Variants in SYK observed in about 807,000 individuals in gnomAD.
SYK encodes tyrosine-protein kinase SYK.
Under a neutral mutation model 77.8 loss-of-function variants are expected in SYK, and 16 were observed. The ratio of observed to expected loss-of-function variants is 0.21; its 90% CI spans 0.14 to 0.31. SYK has a LOEUF of 0.31. Among genes scored for constraint, SYK ranks in the 10% least tolerant of loss-of-function variants. SYK has a pLI of 1.00. For missense variants in SYK, 529 were observed against 814.4 expected (o/e 0.65, Z 4.26); for synonymous variants, 312 against 308.7 (o/e 1.01, Z -0.11).
intron 10 of SYK, among the ~76,000 whole-genome samples, chr9:90,878,080 A>C (rs1828013361): frequency 6.6e-6 from 1 of 152,146 alleles, no homozygotes; most frequent in Non-Finnish European, 1.5e-5. Context: ...TTGACATGGA[A>C]TCTCCTTTCT....
At chr9:90,811,287 T>G (rs1825061304) in intron 1 of SYK, among the ~76,000 whole-genome samples, 1 of 151,060 alleles carries the variant, frequency 6.6e-6, no homozygotes, top group Non-Finnish European at 1.5e-5. Context: ...ATGCAGCGAG[T>G]TTTTTCAAAT....
At chr9:90,869,962 G>A (rs1179953488) in intron 7 of SYK, among the ~76,000 whole-genome samples, 3 of 152,080 alleles carry the variant, frequency 2.0e-5, no homozygotes, top group African/African-American at 7.2e-5. Flanking sequence ...ACAAAAATTA[G>A]CCAGGCGTGG....
chr9:90,826,265 C>T (rs117957915), intron 1 of SYK, among the ~76,000 whole-genome samples: 43 of 152,338 alleles, frequency 2.8e-4, no homozygotes, highest in Non-Finnish European at 4.9e-4. Context: ...TCCTGAGGCT[C>T]GATGACCAGG....
At position 90,884,488 on chromosome 9, in the gene SYK, T is replaced by C. The variant is rs556208231; in HGVS notation, c.1582-3261T>C. On this transcript the variant is annotated intron_variant, in intron 11 of 13. Transcript: ENST00000375754. Reference sequence around the variant, plus strand: ...GTGTGTACATATACATACACACACATACACATATGTGTACATGTACATACA... The same window carrying C: ...GTGTGTACATATACATACACACACACACACATATGTGTACATGTACATACA... 3.3e-5 allele frequency among the ~76,000 whole-genome samples: 3 copies of C among 90,074 alleles called. 1 individual carries two copies. The highest frequency in any genetic ancestry group is 4.7e-5 in the Non-Finnish European group (2 of 42,902). The allele number at this position is 90,074 out of a possible 152,430, so 59.1% of individuals were successfully genotyped here. A position where few individuals can be genotyped will look rare whatever the true frequency, so the allele number is the denominator to read the frequency against.
At position 90,803,777 on chromosome 9, in the gene SYK, A is replaced by G. The variant is rs1217319065; in HGVS notation, c.-42+1884A>G. Among the ~76,000 whole-genome samples, 3 of 152,334 alleles carry G rather than the reference A, an allele frequency of 2.0e-5. No homozygotes were observed. In the East Asian group the frequency reaches 5.8e-4, roughly 29 times the overall value. On this transcript the variant is annotated intron_variant, in intron 1 of 13. Transcript: ENST00000375754. ...AATTAAAATTTAGAATCTAAATTTC[A>G]GAACTGAGAAAGACATTGCTCAGAA...
rs1425932913 is a variant in SYK, at chr9:90,897,533, G to A, written c.*1933G>A. The A allele has an allele frequency of 4.3e-6, 1 of 231,652 alleles. No homozygotes were observed. The highest frequency in any genetic ancestry group is 6.1e-5 in the East Asian group (1 of 16,398). 14.3% of individuals were successfully genotyped at this position (231,652 alleles called of 1,614,324 possible). On this transcript the variant is annotated 3_prime_UTR_variant, in exon 14 of 14. Coordinates refer to ENST00000375754, the MANE Select transcript of SYK (RefSeq NM_003177.7). ...GCTGAACTCTTGGTGGCTTCCTTCT[G>A]TAACTTCCAGAGGGAGTCTTCAACA...
intron 1 of SYK, among the ~76,000 whole-genome samples, chr9:90,830,273 A>T (rs1041298245): frequency 1.3e-5 from 2 of 152,236 alleles, no homozygotes; most frequent in Non-Finnish European, 2.9e-5. Flanking sequence ...AGGGCAAGTG[A>T]TACCTACTGA....
At chr9:90,868,132 A>G (rs954196407) in intron 7 of SYK, among the ~76,000 whole-genome samples, 1 of 152,246 alleles carries the variant, frequency 6.6e-6, no homozygotes, top group Non-Finnish European at 1.5e-5. Context: ...AAGTTTACTC[A>G]TACTCAAGAA....
At chr9:90,853,548 G>T (rs1038348011) in intron 3 of SYK, among the ~76,000 whole-genome samples, 14 of 152,082 alleles carry the variant, frequency 9.2e-5, no homozygotes, top group Admixed American at 2.6e-4. Context: ...GCCATAAAAA[G>T]TGATGAGTTC....
At chr9:90,837,160 G>A (rs1023091094) in intron 1 of SYK, among the ~76,000 whole-genome samples, 1 of 152,178 alleles carries the variant, frequency 6.6e-6, no homozygotes, top group South Asian at 2.1e-4. Flanking sequence ...ACTACAGGGT[G>A]GGTGGTCAGC....
In SYK at chr9:90,828,866, C is replaced by T. The variant is rs527249147; in HGVS notation, c.-41-14992C>T. 5.3e-5 allele frequency among the ~76,000 whole-genome samples: 8 copies of T among 152,262 alleles called. No homozygotes were observed. In the South Asian group the frequency reaches 8.3e-4, roughly 16 times the overall value. ...GTCCTCCCTGGCTCCCTTCCCCACC[C>T]GTGGCAAGTGGCAACTTGCTTTCGC... On this transcript the variant is annotated intron_variant, in intron 1 of 13. Coordinates refer to ENST00000375754, the MANE Select transcript of SYK (RefSeq NM_003177.7).
intron 1 of SYK, among the ~76,000 whole-genome samples, chr9:90,822,432 G>A (rs140515139): frequency 2.6e-4 from 39 of 152,268 alleles, no homozygotes; most frequent in South Asian, 1.4e-3. Flanking sequence ...GTGATATTTC[G>A]TTTAAACTTA....
chr9:90,863,959 A>G (rs4529574), intron 4 of SYK, among the ~76,000 whole-genome samples: 31,451 of 152,146 alleles, frequency 0.21, 3,728 homozygotes, highest in Admixed American at 0.31. Flanking sequence ...CTGGTAGATC[A>G]TAGCATTCAT....
intron 3 of SYK, among the ~76,000 whole-genome samples, chr9:90,856,772 C>T (rs984764492): frequency 1.3e-5 from 2 of 152,198 alleles, no homozygotes; most frequent in South Asian, 4.1e-4. Context: ...CTCTCTTTCC[C>T]TCCCTACCCC....
chr9:90,886,752 A>G (rs939122419), intron 11 of SYK, among the ~76,000 whole-genome samples: 2 of 152,156 alleles, frequency 1.3e-5, no homozygotes, highest in Non-Finnish European at 2.9e-5. Flanking sequence ...TAGAATTACC[A>G]TATGATCCAG....
intron 1 of SYK, among the ~76,000 whole-genome samples, chr9:90,822,070 C>T (rs778806518): frequency 6.6e-6 from 1 of 152,082 alleles, no homozygotes; most frequent in Non-Finnish European, 1.5e-5. Flanking sequence ...CCCTGAGAAG[C>T]GATGGGCTAC....
At chr9:90,821,639 C>T (rs1361102974) in intron 1 of SYK, among the ~76,000 whole-genome samples, 1 of 152,214 alleles carries the variant, frequency 6.6e-6, no homozygotes, top group African/African-American at 2.4e-5. Flanking sequence ...CACAGCCAAA[C>T]CATATCACAG....
At chr9:90,851,354 T>C (rs903097793) in intron 3 of SYK, among the ~76,000 whole-genome samples, 1 of 152,154 alleles carries the variant, frequency 6.6e-6, no homozygotes, top group South Asian at 2.1e-4. Context: ...AGGAGTGACT[T>C]TGAGAAGGTA....
chr9:90,818,524 C>T (rs1825383005), intron 1 of SYK, among the ~76,000 whole-genome samples: 1 of 152,184 alleles, frequency 6.6e-6, no homozygotes, highest in Non-Finnish European at 1.5e-5. Flanking sequence ...CTGCACTTGA[C>T]TTGTTTACGG....
Sources: gnomAD v4.1 joint callset for allele counts (sites outside exome capture counted in the v4.1 genomes callset) on GRCh38, gnomAD v4.1.1 for gene constraint, MANE v1.5 for transcripts, NCBI Gene and HGNC (gene_info 2026-07-23, HGNC 2026-07-21) for gene names.